Variants in GRIK4 observed in about 807,000 individuals in gnomAD.
GRIK4 encodes glutamate receptor ionotropic, kainate 4.
GRIK4 carries 40 observed loss-of-function variants against 104.9 expected under a neutral mutation model. The observed-to-expected ratio is 0.38, with a 90% CI of 0.30 to 0.50. The LOEUF is 0.50. Ranked by LOEUF, GRIK4 falls within the 20% of genes least tolerant of loss-of-function variation. The pLI is 0.93. For missense variants in GRIK4, 1,047 were observed against 1,308.1 expected (o/e 0.80, Z 3.08); for synonymous variants, 485 against 524.9 (o/e 0.92, Z 1.04).
At chr11:120,654,367 T>C (rs1381917411) in intron 2 of GRIK4, among the ~76,000 whole-genome samples, 3 of 152,042 alleles carry the variant, frequency 2.0e-5, no homozygotes, top group Non-Finnish European at 4.4e-5. Context: ...ATTATTATCA[T>C]TATTATTATT....
chr11:120,563,375 G>C (rs1225849771), intron 1 of GRIK4, among the ~76,000 whole-genome samples: 1 of 152,064 alleles, frequency 6.6e-6, no homozygotes, highest in African/African-American at 2.4e-5. Flanking sequence ...TCTGGGGCCT[G>C]GAAGAACCCT....
intron 3 of GRIK4, among the ~76,000 whole-genome samples, chr11:120,782,613 A>G (rs1402127916): frequency 6.6e-6 from 1 of 152,144 alleles, no homozygotes; most frequent in African/African-American, 2.4e-5. Flanking sequence ...TTCAGCAGAC[A>G]TTGGGATGCT....
intron 3 of GRIK4, among the ~76,000 whole-genome samples, chr11:120,760,103 C>G (rs1306378489): frequency 6.6e-6 from 1 of 151,810 alleles, no homozygotes; most frequent in Admixed American, 6.6e-5. Context: ...TACATACCTG[C>G]CATTTTGTAT....
At chr11:120,618,786 G>C (rs1733340930) in intron 1 of GRIK4, among the ~76,000 whole-genome samples, 1 of 152,272 alleles carries the variant, frequency 6.6e-6, no homozygotes, top group Non-Finnish European at 1.5e-5. Flanking sequence ...CAGGTGCACA[G>C]AGTGCAAGAG....
chr11:120,661,326 AC>A (rs1949811315), intron 3 of GRIK4, among the ~76,000 whole-genome samples: 1 of 152,114 alleles, frequency 6.6e-6, no homozygotes, highest in African/African-American at 2.4e-5. Flanking sequence ...CCACAAGACG[AC>A]CCATCCAACA....
At chr11:120,529,080 C>T (rs1947895949) in intron 1 of GRIK4, among the ~76,000 whole-genome samples, 1 of 152,166 alleles carries the variant, frequency 6.6e-6, no homozygotes, top group Non-Finnish European at 1.5e-5. Context: ...TTATCCATTC[C>T]TCTTCCAGGA....
At position 120,967,274 on chromosome 11, in the gene GRIK4, A is replaced by G; in HGVS notation, c.2346A>G (p.Lys782=). The change falls in exon 19 of 21, where the codon AAA becomes AAG. Residue 782 remains lysine (K), a synonymous_variant. Transcript: ENST00000527524. The surrounding 1 kb of genome is among the most constrained non-coding windows in gnomAD (Gnocchi z 4.2). ...ACCGCCTGGAGATCCTGAAGCGCAA[A>G]TGGTGGGAAGGAGGGAAGTGCCCCA... ...ENNRLEILKR[K]WWEGGKCPKE... The G allele has an allele frequency of 6.2e-7, 1 of 1,613,966 alleles. No homozygotes were observed. Among genetic ancestry groups the G allele is most frequent in the Non-Finnish European group, 8.5e-7 (1 of 1,179,906 alleles).
At chr11:120,613,228 T>G (rs1379402593) in intron 1 of GRIK4, among the ~76,000 whole-genome samples, 1 of 152,130 alleles carries the variant, frequency 6.6e-6, no homozygotes, top group South Asian at 2.1e-4. Flanking sequence ...TCCTCACACT[T>G]TCTGTTTCTT....
At chr11:120,919,079 C>T (rs925591101) in intron 13 of GRIK4, among the ~76,000 whole-genome samples, 4 of 152,212 alleles carry the variant, frequency 2.6e-5, no homozygotes, top group Non-Finnish European at 5.9e-5. Flanking sequence ...CACGGTCATT[C>T]TAACCACTGC....
chr11:120,977,943 C>T (rs2134785388), intron 19 of GRIK4, among the ~76,000 whole-genome samples: 1 of 152,172 alleles, frequency 6.6e-6, no homozygotes, highest in East Asian at 1.9e-4. Flanking sequence ...GGCCATCTTC[C>T]TCTGTGACCA....
chr11:120,557,615 C>A (rs1472155379), intron 1 of GRIK4, among the ~76,000 whole-genome samples: 3 of 152,348 alleles, frequency 2.0e-5, no homozygotes, highest in Non-Finnish European at 4.4e-5. Context: ...CAGCCAGGCT[C>A]AGGCTGAAAA....
chr11:120,935,628 C>A (rs1943579519), intron 13 of GRIK4, among the ~76,000 whole-genome samples: 1 of 152,164 alleles, frequency 6.6e-6, no homozygotes, highest in African/African-American at 2.4e-5. Context: ...ACAGCTGCAA[C>A]CTTTTTGTTG....
At chr11:120,933,933 G>A (rs917117330) in intron 13 of GRIK4, among the ~76,000 whole-genome samples, 17 of 152,058 alleles carry the variant, frequency 1.1e-4, no homozygotes, top group South Asian at 4.1e-4. Flanking sequence ...AGCCAGGCGC[G>A]GTGGCTCACA....
Position 120,555,161 on chromosome 11 carries a change from A to G in GRIK4, c.-159+43274A>G, listed in dbSNP as rs1291289439. ...GCGCAGGTCACCATGTTATCTATCC[A>G]TGTTTCCCATGACTTCAGGCTTAAC... On this transcript the variant is annotated intron_variant, in intron 1 of 20. Coordinates refer to ENST00000527524, the MANE Select transcript of GRIK4 (RefSeq NM_014619.5). This position sits in a 1 kb window ranked among gnomAD's most constrained non-coding sequence, Gnocchi z 5.3. Among the ~76,000 whole-genome samples, 2 of 152,206 alleles carry G rather than the reference A, an allele frequency of 1.3e-5. No homozygotes were observed. Among genetic ancestry groups the G allele is most frequent in the African/African-American group, 4.8e-5 (2 of 41,448 alleles).
At chr11:120,937,815 G>A (rs996668129) in intron 13 of GRIK4, among the ~76,000 whole-genome samples, 1 of 152,312 alleles carries the variant, frequency 6.6e-6, no homozygotes, top group African/African-American at 2.4e-5. Context: ...ATATGGAATT[G>A]TTTTGGCATA....
chr11:120,981,382 A>G (rs1944649941), intron 19 of GRIK4, among the ~76,000 whole-genome samples: 1 of 152,208 alleles, frequency 6.6e-6, no homozygotes, highest in South Asian at 2.1e-4. Context: ...AATGCTTCTA[A>G]AATTACCAAT....
intron 9 of GRIK4, chr11:120,872,383 C>T (rs1264740837): frequency 1.8e-5 from 3 of 162,368 alleles, no homozygotes; most frequent in African/African-American, 7.2e-5. Flanking sequence ...CTTGAAAAAC[C>T]CCGAGACAGC....
At chr11:120,786,226 C>T (rs956644806) in intron 3 of GRIK4, among the ~76,000 whole-genome samples, 3 of 152,196 alleles carry the variant, frequency 2.0e-5, no homozygotes, top group Non-Finnish European at 4.4e-5. Flanking sequence ...CTCCATGTCA[C>T]CATCACAGCT....
At chr11:120,553,577 T>C (rs1948159596) in intron 1 of GRIK4, among the ~76,000 whole-genome samples, 1 of 152,182 alleles carries the variant, frequency 6.6e-6, no homozygotes, top group African/African-American at 2.4e-5. Flanking sequence ...ACTGGTTCAT[T>C]TTCCAAGAGG....
Sources: allele counts gnomAD v4.1 joint callset (sites outside exome capture counted in the v4.1 genomes callset), GRCh38; gene constraint gnomAD v4.1.1; non-coding constraint Gnocchi (gnomAD v3.1); transcripts MANE v1.5; gene names NCBI Gene and HGNC (gene_info 2026-07-23, HGNC 2026-07-21).